RASA3: variants seen among roughly 807,000 people sequenced by gnomAD.
RASA3 encodes RAS p21 protein activator 3.
Under a neutral mutation model 110.0 loss-of-function variants are expected in RASA3, and 73 were observed. The observed-to-expected ratio is 0.66, with a 90% CI of 0.55 to 0.81. The LOEUF is 0.81. Among genes scored for constraint, RASA3 ranks in the 30% least tolerant of loss-of-function variants. The pLI, the probability that RASA3 is intolerant of heterozygous loss-of-function variation, is 0.00. For missense variants in RASA3, 976 were observed against 1,113.2 expected, an observed-to-expected ratio of 0.88 and a Z score of 1.75; for synonymous variants, 500 against 451.4, an observed-to-expected ratio of 1.11 and a Z score of -1.37.
intron 5 of RASA3, among the ~76,000 whole-genome samples, chr13:114,029,395 A>G (rs74524619): frequency 9.6e-5 from 2 of 20,750 alleles, no homozygotes; most frequent in Non-Finnish European, 1.5e-4. Context: ...CTCTAAAACG[A>G]CGTCATCCTG....
At chr13:114,054,881 G>A (rs1466550251) in intron 2 of RASA3, among the ~76,000 whole-genome samples, 1 of 152,256 alleles carries the variant, frequency 6.6e-6, no homozygotes, top group Non-Finnish European at 1.5e-5. Flanking sequence ...CTGATCTCCT[G>A]CGTCTGCGTG....
rs2079087570 is a variant in RASA3 at position 114,048,336 on chromosome 13, G to A, written c.277+3716C>T. On this transcript the variant is annotated intron_variant, in intron 3 of 23. Coordinates refer to ENST00000334062, the MANE Select transcript of RASA3 (RefSeq NM_007368.4). This position sits in a 1 kb window ranked among gnomAD's most constrained non-coding sequence, Gnocchi z 4.3. ...TCTCAAAAAAAAAAAAAAAGAAGAA[G>A]AAAAGAATGGAGGTCTCACTGCACC... Among the ~76,000 whole-genome samples, 1 of 150,808 alleles carries A rather than the reference G, an allele frequency of 6.6e-6. No individual in the cohort carries two copies. Among genetic ancestry groups the A allele is most frequent in the African/African-American group, 2.4e-5 (1 of 40,970 alleles).
rs911535114 is a variant in RASA3, at chr13:113,978,161, G to C, written c.*1186C>G. On this transcript the variant is annotated 3_prime_UTR_variant, in exon 24 of 24. Transcript: ENST00000334062. The stretch of plus-strand genomic sequence containing the variant: ...TGTGAGGTCTGGAGGGGTCTGCCTG[G>C]ACCCCATTTTTAGGATGCTCCCCTC... 3 of 152,184 alleles carry C rather than the reference G, an allele frequency of 2.0e-5. No individual in the cohort carries two copies. The highest frequency in any genetic ancestry group is 7.2e-5 in the African/African-American group (3 of 41,412). 9.4% of individuals were successfully genotyped at this position (152,184 alleles called of 1,614,324 possible).
rs559929804 is a variant in RASA3 at position 114,007,672 on chromosome 13, TAAC to T, written c.1669-69_1669-67del. On this transcript the variant is annotated intron_variant, in intron 17 of 23. Coordinates refer to ENST00000334062, the MANE Select transcript of RASA3 (RefSeq NM_007368.4). ...CATCTGACGTGCACGGCTCTCTGTA[TAAC>T]AACAGCGTCGGCGGCTACTGCCTCC... 8.8e-4 allele frequency: 1,189 copies of T among 1,344,616 alleles called. 1 individual carries two copies. The highest frequency in any genetic ancestry group is 1.2e-3 in the Non-Finnish European group (1,097 of 939,220). The allele number at this position is 1,344,616 out of a possible 1,614,324, so 83.3% of individuals were successfully genotyped here.
At chr13:114,101,249 G>A (rs2080056890) in intron 1 of RASA3, among the ~76,000 whole-genome samples, 1 of 152,224 alleles carries the variant, frequency 6.6e-6, no homozygotes, top group Non-Finnish European at 1.5e-5. Context: ...AGAGGGAAGG[G>A]AAGGGAAAAT....
Position 114,018,809 on chromosome 13 carries a change from T to C in RASA3, c.896A>G (p.Tyr299Cys). 3 of 1,613,738 alleles carry C rather than the reference T, an allele frequency of 1.9e-6. No homozygotes were observed. Among genetic ancestry groups the C allele is most frequent in the African/African-American group, 1.3e-5 (1 of 75,060 alleles). The change falls in exon 10 of 24, where the codon TAT becomes TGT. Residue 299 changes from tyrosine to cysteine, a missense_variant. Physicochemically the swap from Tyr to Cys is radical, Grantham distance 194. Transcript: ENST00000334062. ...YTEDHVFSSD[Y>C]YSPLRDLLLK... ...CAGCAGGTCCCGCAGAGGGCTGTAA[T>C]AGTCAGAAGAAAACACGTGGTCTTC...
chr13:114,131,487 G>C (rs2080518861), intron 1 of RASA3, among the ~76,000 whole-genome samples: 1 of 152,170 alleles, frequency 6.6e-6, no homozygotes, highest in Non-Finnish European at 1.5e-5. Flanking sequence ...GGGAAAAGCA[G>C]ATCCCTCCAG....
intron 2 of RASA3, among the ~76,000 whole-genome samples, chr13:114,068,605 G>A (rs569708816): frequency 6.6e-6 from 1 of 152,306 alleles, no homozygotes; most frequent in South Asian, 2.1e-4. Flanking sequence ...TTAGGGTCGT[G>A]GGTGCCGGCC....
At chr13:114,016,167 G>A in intron 13 of RASA3, 30 bp downstream of exon 13, 1 of 1,534,346 alleles carries the variant, frequency 6.5e-7, no homozygotes, top group African/African-American at 1.4e-5. Flanking sequence ...GCAGGTGACT[G>A]GCTTTGGTTG....
At chr13:114,126,170 GT>G (rs2080446023) in intron 1 of RASA3, among the ~76,000 whole-genome samples, 1 of 139,296 alleles carries the variant, frequency 7.2e-6, no homozygotes, top group Non-Finnish European at 1.6e-5. Flanking sequence ...GGCACCTGCT[GT>G]CCAACCTCGC....
intron 4 of RASA3, among the ~76,000 whole-genome samples, chr13:114,038,891 G>T (rs1017816744): frequency 6.6e-6 from 1 of 152,248 alleles, no homozygotes; most frequent in African/African-American, 2.4e-5. Flanking sequence ...TGCCTCTGCT[G>T]AAGTCTCAGG....
At chr13:114,038,159 C>T (rs950695584) in intron 4 of RASA3, among the ~76,000 whole-genome samples, 14 of 152,274 alleles carry the variant, frequency 9.2e-5, no homozygotes, top group Non-Finnish European at 1.6e-4. Flanking sequence ...ACGACGAGGC[C>T]GCACTCTGCC....
chr13:114,021,672 C>T (rs750284731), intron 8 of RASA3, among the ~76,000 whole-genome samples, 164 bp from the exon 9 acceptor site: 3 of 152,190 alleles, frequency 2.0e-5, no homozygotes, highest in African/African-American at 4.8e-5. Flanking sequence ...ACACGTCAGA[C>T]CAGCCTGTGG....
chr13:113,990,201 GTCAA>G (rs746864970), intron 22 of RASA3, among the ~76,000 whole-genome samples: 51 of 152,286 alleles, frequency 3.3e-4, no homozygotes, highest in Non-Finnish European at 6.5e-4. Context: ...AGAACTGTGA[GTCAA>G]TCAATCTTCT....
chr13:114,058,651 A>G (rs2079287067), intron 2 of RASA3, among the ~76,000 whole-genome samples: 1 of 152,180 alleles, frequency 6.6e-6, no homozygotes, highest in Admixed American at 6.5e-5. Flanking sequence ...CGCCTGCCCG[A>G]CAATGCCCTT....
intron 9 of RASA3, among the ~76,000 whole-genome samples, chr13:114,019,312 G>A (rs929459562): frequency 2.6e-5 from 4 of 152,364 alleles, no homozygotes; most frequent in Non-Finnish European, 2.9e-5. Flanking sequence ...CCGATGTCAC[G>A]GGGTGGGGGC....
At chr13:114,107,867 A>T (rs1461116414) in intron 1 of RASA3, 6 of 152,264 alleles carry the variant, frequency 3.9e-5, no homozygotes, top group African/African-American at 9.6e-5. Flanking sequence ...TCAGAACCAG[A>T]GGCTGACGCG....
chr13:114,120,892 G>C (rs2080367484), intron 1 of RASA3, among the ~76,000 whole-genome samples: 1 of 152,208 alleles, frequency 6.6e-6, no homozygotes, highest in Non-Finnish European at 1.5e-5. Flanking sequence ...AGATCTAAGA[G>C]GATCAAGATG....
At chr13:114,000,970 A>G (rs1385861891) in intron 18 of RASA3, 38 bp from the exon 19 acceptor site, 3 of 1,412,628 alleles carry the variant, frequency 2.1e-6, no homozygotes, top group African/African-American at 2.8e-5. Context: ...TCCGGGCCTC[A>G]GCTGCCTCCC....
Sources: gnomAD v4.1 joint callset for allele counts (sites outside exome capture counted in the v4.1 genomes callset) on GRCh38, gnomAD v4.1.1 for gene constraint, Gnocchi (gnomAD v3.1) non-coding constraint, MANE v1.5 for transcripts, NCBI Gene and HGNC (gene_info 2026-07-23, HGNC 2026-07-21) for gene names.